RASL12: variants seen among roughly 807,000 people sequenced by gnomAD.
RASL12 encodes RAS like family 12, also known as ras-like protein family member 12.
RASL12 carries 16 observed loss-of-function variants against 22.9 expected under a neutral mutation model. The observed-to-expected ratio is 0.70, with a 90% CI of 0.47 to 1.06. RASL12 has a LOEUF of 1.06. RASL12 is among the 50% of genes least tolerant of loss of function. The probability of loss-of-function intolerance (pLI) is 0.00; values close to 1 mark genes in which losing one functional copy is unlikely to be tolerated. For synonymous variants in RASL12, 159 were observed against 152.2 expected (o/e 1.04, Z -0.33); for missense variants, 306 against 353.1 (o/e 0.87, Z 1.07).
chr15:65,061,997 T>C (rs1479454282), intron 2 of RASL12, among the ~76,000 whole-genome samples: 1 of 148,964 alleles, frequency 6.7e-6, no homozygotes, highest in African/African-American at 2.5e-5. Context: ...AGGAGAATGG[T>C]GTGAACCCGG....
downstream of RASL12, chr15:65,050,055 C>T: frequency 2.6e-6 from 4 of 1,551,724 alleles, no homozygotes; most frequent in South Asian, 3.6e-5. Flanking sequence ...CTGTGGTACC[C>T]CAGGAGCTGC....
intron 2 of RASL12, among the ~76,000 whole-genome samples, chr15:65,063,983 G>T (rs1376332932): frequency 6.6e-6 from 1 of 152,186 alleles, no homozygotes; most frequent in Non-Finnish European, 1.5e-5. Flanking sequence ...TGCTTTAATT[G>T]ATTTTTATGA....
intron 1 of RASL12, 109 bp from the exon 2 acceptor site, chr15:65,065,382 A>C: frequency 1.0e-6 from 1 of 978,380 alleles, no homozygotes; most frequent in East Asian, 2.7e-5. Context: ...GCTGACACCA[A>C]GCTCAGCTCT....
chr15:65,065,517 T>C (rs1182064671), intron 1 of RASL12, among the ~76,000 whole-genome samples: 2 of 151,748 alleles, frequency 1.3e-5, no homozygotes, highest in Non-Finnish European at 2.9e-5. Context: ...AGGAAAGCAA[T>C]GAGTGGCAAG....
chr15:65,073,521 G>A (rs2086945607), intron 1 of RASL12, among the ~76,000 whole-genome samples: 1 of 152,186 alleles, frequency 6.6e-6, no homozygotes, highest in Non-Finnish European at 1.5e-5. Flanking sequence ...GCAGCACTCA[G>A]GCAGTAATGA....
chr15:65,076,365 C>T (rs2086969427), intron 1 of RASL12, among the ~76,000 whole-genome samples: 1 of 152,076 alleles, frequency 6.6e-6, no homozygotes, highest in South Asian at 2.1e-4. Context: ...CGAACAACTC[C>T]AGACACGCTG....
At chr15:65,071,473 C>T (rs2086931904), upstream of RASL12, among the ~76,000 whole-genome samples, 1 of 152,156 alleles carries the variant, frequency 6.6e-6, no homozygotes, top group Non-Finnish European at 1.5e-5. Context: ...CCCACCGGGG[C>T]CTTGGGGGCG....
the RASL12 span, among the ~76,000 whole-genome samples, chr15:65,045,847 G>A: frequency 6.6e-6 from 1 of 152,232 alleles, no homozygotes; most frequent in East Asian, 1.9e-4. Flanking sequence ...CACTTTAGAA[G>A]CAAACTGGAT....
chr15:65,052,258 A>C (rs2086662927), downstream of RASL12, among the ~76,000 whole-genome samples: 1 of 152,130 alleles, frequency 6.6e-6, no homozygotes, highest in African/African-American at 2.4e-5. Flanking sequence ...CAGTAGTGTG[A>C]GGGATGAGGT....
intron 1 of RASL12, among the ~76,000 whole-genome samples, chr15:65,074,200 GC>G (rs939711544): frequency 2.0e-4 from 28 of 137,380 alleles, no homozygotes; most frequent in African/African-American, 7.7e-4. Context: ...CTCCATTTCT[GC>G]CTTGTTCTCC....
downstream of RASL12, among the ~76,000 whole-genome samples, chr15:65,048,613 C>G (rs558233781): frequency 2.0e-5 from 3 of 152,212 alleles, no homozygotes; most frequent in Non-Finnish European, 4.4e-5. Context: ...GTTCAAAACA[C>G]TTCTCTTGTT....
In RASL12 at chr15:65,054,183, C is replaced by G; in HGVS notation, c.*716G>C. The stretch of plus-strand genomic sequence containing the variant: ...GAGGTTCTTTGGACAGAGTCCTTAA[C>G]AGTGGGAAAACACATGGAGAATCTG... On this transcript the variant is annotated 3_prime_UTR_variant, in exon 5 of 5. Coordinates refer to ENST00000220062, the MANE Select transcript of RASL12 (RefSeq NM_016563.4). The G allele has an allele frequency of 1.0e-6, 1 of 985,938 alleles. No homozygotes were observed. The highest frequency in any genetic ancestry group is 1.7e-5 in the African/African-American group (1 of 57,352). 61.1% of individuals were successfully genotyped at this position (985,938 alleles called of 1,614,324 possible).
chr15:65,047,870 A>G, the RASL12 span, among the ~76,000 whole-genome samples: 1 of 152,176 alleles, frequency 6.6e-6, no homozygotes, highest in Admixed American at 6.5e-5. Flanking sequence ...GGCAGTGTGC[A>G]TGTGAGTCCT....
At chr15:65,046,254 T>C in the RASL12 span, among the ~76,000 whole-genome samples, 1 of 152,216 alleles carries the variant, frequency 6.6e-6, no homozygotes, top group Admixed American at 6.5e-5. Flanking sequence ...TGAGCTGAGA[T>C]GGTGCCACTA....
downstream of RASL12, chr15:65,049,298 A>G (rs1457522043): frequency 1.3e-5 from 2 of 151,524 alleles, no homozygotes; most frequent in Non-Finnish European, 2.9e-5. Context: ...TCCCTTGCAA[A>G]TAACAGAAAC....
At chr15:65,046,529 C>A in the RASL12 span, among the ~76,000 whole-genome samples, 1 of 152,178 alleles carries the variant, frequency 6.6e-6, no homozygotes, top group African/African-American at 2.4e-5. Context: ...CTGAGGAGGG[C>A]TGACTCTCGG....
intron 1 of RASL12, among the ~76,000 whole-genome samples, chr15:65,067,399 C>A (rs1019661504): frequency 6.6e-6 from 1 of 151,596 alleles, no homozygotes; most frequent in Non-Finnish European, 1.5e-5. Context: ...CAGGGGAGAC[C>A]GACCAGTAAA....
At chr15:65,071,706 G>A (rs1221667910), upstream of RASL12, among the ~76,000 whole-genome samples, 1 of 152,114 alleles carries the variant, frequency 6.6e-6, no homozygotes, top group Non-Finnish European at 1.5e-5. Flanking sequence ...AGAGGGCCTG[G>A]CAATGGTTCC....
chr15:65,058,446 G>T lies in RASL12; in HGVS notation c.406C>A (p.Leu136Met). The change falls in exon 4 of 5, where the codon CTG (leucine) becomes ATG (methionine). Residue 136 changes from leucine to methionine, a missense_variant. Transcript: ENST00000220062. ...SIPALLLGNK[L>M]DMAQYRQVTK... ...GCTCACCTGTACTGAGCCATGTCCA[G>T]CTTGTTGCCCAGCAGCAGGGCAGGG... is the stretch of plus-strand genomic sequence containing the variant. The T allele has an allele frequency of 6.4e-7, 1 of 1,572,840 alleles. No individual in the cohort carries two copies. The highest frequency in any genetic ancestry group is 1.2e-5 in the South Asian group (1 of 85,538).
Sources: gnomAD v4.1 joint callset for allele counts (sites outside exome capture counted in the v4.1 genomes callset) on GRCh38, gnomAD v4.1.1 for gene constraint, MANE v1.5 for transcripts, NCBI Gene and HGNC (gene_info 2026-07-23, HGNC 2026-07-21) for gene names.